Variants in FSTL4 observed in about 807,000 individuals in gnomAD.
FSTL4 encodes follistatin like 4, also known as follistatin-related protein 4.
In FSTL4, 28 loss-of-function variants were observed where a neutral mutation model predicts 78.2. That is an observed-to-expected ratio of 0.36 (90% confidence interval 0.27 to 0.49). FSTL4 has a LOEUF of 0.49. FSTL4 is among the 20% of genes least tolerant of loss of function. The pLI is 0.98. For synonymous variants in FSTL4, 422 were observed against 440.5 expected (o/e 0.96, Z 0.53); for missense variants, 922 against 1,084.9 (o/e 0.85, Z 2.11).
intron 1 of FSTL4, 42 bp from the exon 2 acceptor site, chr5:133,604,035 G>C: frequency 6.9e-7 from 1 of 1,444,520 alleles, no homozygotes; most frequent in Non-Finnish European, 9.7e-7. Flanking sequence ...AACATTATGA[G>C]ATGGATATAA....
chr5:133,739,292 T>C, the FSTL4 span, among the ~76,000 whole-genome samples: 1 of 151,610 alleles, frequency 6.6e-6, no homozygotes, highest in Admixed American at 6.6e-5. Flanking sequence ...TTTTTCTTTT[T>C]TTTTTTTTTT....
chr5:133,810,399 C>A, the FSTL4 span, among the ~76,000 whole-genome samples: 3 of 152,210 alleles, frequency 2.0e-5, no homozygotes, highest in Non-Finnish European at 4.4e-5. Context: ...CCAAATTAAT[C>A]AGCCTCAAAC....
the FSTL4 span, among the ~76,000 whole-genome samples, chr5:133,807,698 G>T: frequency 6.6e-6 from 1 of 152,230 alleles, no homozygotes; most frequent in African/African-American, 2.4e-5. Flanking sequence ...ATAGGGCAGG[G>T]AGAACCACAG....
At chr5:133,670,142 G>T in the FSTL4 span, among the ~76,000 whole-genome samples, 2 of 152,208 alleles carry the variant, frequency 1.3e-5, no homozygotes, top group African/African-American at 4.8e-5. Flanking sequence ...GAGAGAGAGG[G>T]ATATTTGACA....
At chr5:133,733,871 C>T in the FSTL4 span, among the ~76,000 whole-genome samples, 15 of 152,304 alleles carry the variant, frequency 9.8e-5, no homozygotes, top group East Asian at 2.5e-3. Flanking sequence ...CTTGGATGCT[C>T]TTCCACGTGG....
chr5:133,204,094 G>A (rs1011675862), intron 14 of FSTL4, among the ~76,000 whole-genome samples: 2 of 152,222 alleles, frequency 1.3e-5, no homozygotes, highest in Non-Finnish European at 2.9e-5. Context: ...GCAAGGCTGG[G>A]CATCTCCCTC....
the FSTL4 span, among the ~76,000 whole-genome samples, chr5:133,800,883 ATC>A: frequency 6.6e-6 from 1 of 151,982 alleles, no homozygotes; most frequent in Non-Finnish European, 1.5e-5. Flanking sequence ...GCTCAGCTAT[ATC>A]TCTATTCCTG....
the FSTL4 span, among the ~76,000 whole-genome samples, chr5:133,713,239 AC>A: frequency 6.6e-6 from 1 of 152,164 alleles, no homozygotes; most frequent in African/African-American, 2.4e-5. Flanking sequence ...GATAATTGCA[AC>A]TCTGCTAATT....
At chr5:133,395,469 A>G (rs1219488978) in intron 4 of FSTL4, among the ~76,000 whole-genome samples, 1 of 152,142 alleles carries the variant, frequency 6.6e-6, no homozygotes, top group Non-Finnish European at 1.5e-5. Flanking sequence ...CGGACACACC[A>G]TCTTTAAGAA....
chr5:133,495,549 A>G (rs1270400738), intron 3 of FSTL4, among the ~76,000 whole-genome samples: 3 of 152,250 alleles, frequency 2.0e-5, no homozygotes, highest in African/African-American at 7.2e-5. Flanking sequence ...GCTCTGGGGT[A>G]TAACACACTT....
intron 7 of FSTL4, among the ~76,000 whole-genome samples, chr5:133,233,791 G>A (rs539282766): frequency 3.9e-5 from 6 of 152,214 alleles, no homozygotes; most frequent in South Asian, 4.2e-4. Context: ...CACGAGGCCC[G>A]GTTTGAACAC....
At chr5:133,322,838 G>A (rs894201880) in intron 4 of FSTL4, among the ~76,000 whole-genome samples, 13 of 152,268 alleles carry the variant, frequency 8.5e-5, no homozygotes, top group African/African-American at 2.2e-4. Context: ...ATGGGGAATC[G>A]TCCATCCAAG....
intron 7 of FSTL4, among the ~76,000 whole-genome samples, chr5:133,241,623 GCC>G (rs1751876579): frequency 6.6e-6 from 1 of 152,226 alleles, no homozygotes; most frequent in Non-Finnish European, 1.5e-5. Flanking sequence ...GCAGGCCTGA[GCC>G]CTTGAATGGG....
the FSTL4 span, among the ~76,000 whole-genome samples, chr5:133,708,513 C>T: frequency 1.3e-5 from 2 of 152,166 alleles, no homozygotes; most frequent in African/African-American, 4.8e-5. Flanking sequence ...TGGACCTGAC[C>T]GTTCCTCCTC....
At chr5:133,366,376 G>A (rs1755181291) in intron 4 of FSTL4, among the ~76,000 whole-genome samples, 1 of 152,142 alleles carries the variant, frequency 6.6e-6, no homozygotes, top group African/African-American at 2.4e-5. Context: ...GTCTGTTCAT[G>A]TGTTTATTCT....
chr5:133,227,006 C>T (rs992071878), intron 8 of FSTL4, among the ~76,000 whole-genome samples: 3 of 152,186 alleles, frequency 2.0e-5, no homozygotes, highest in African/African-American at 7.2e-5. Flanking sequence ...TCAGGGGCTG[C>T]TCATAATTCC....
chr5:133,543,560 G>A (rs1361881127), intron 3 of FSTL4, among the ~76,000 whole-genome samples: 1 of 152,038 alleles, frequency 6.6e-6, no homozygotes. Context: ...CTCTAGTTAT[G>A]CTTTATGCCT....
intron 8 of FSTL4, among the ~76,000 whole-genome samples, chr5:133,227,062 C>T (rs558833830): frequency 7.2e-5 from 11 of 152,260 alleles, no homozygotes; most frequent in East Asian, 3.9e-4. Context: ...CTGTGGGACA[C>T]AGTTGGAGGC....
At chr5:133,424,306 G>A (rs1756760505) in intron 3 of FSTL4, among the ~76,000 whole-genome samples, 2 of 152,208 alleles carry the variant, frequency 1.3e-5, no homozygotes, top group African/African-American at 4.8e-5. Flanking sequence ...GTTATCATGA[G>A]ATGATCACCC....
Sources: allele counts gnomAD v4.1 joint callset (sites outside exome capture counted in the v4.1 genomes callset), GRCh38; gene constraint gnomAD v4.1.1; transcripts MANE v1.5; gene names NCBI Gene and HGNC (gene_info 2026-07-23, HGNC 2026-07-21).